Variants in PCSK2 observed in about 807,000 individuals in gnomAD.
The protein encoded by PCSK2 is neuroendocrine convertase 2.
Under a neutral mutation model 69.7 loss-of-function variants are expected in PCSK2, and 14 were observed. That is an observed-to-expected ratio of 0.20 (90% CI 0.13 to 0.31). The LOEUF is 0.31. Ranked by LOEUF, PCSK2 falls within the 10% of genes least tolerant of loss-of-function variation. The pLI is 1.00. For missense variants in PCSK2, 544 were observed against 842.5 expected, an observed-to-expected ratio of 0.65 and a Z score of 4.39; for synonymous variants, 307 against 320.7, an observed-to-expected ratio of 0.96 and a Z score of 0.46.
At chr20:17,374,526 C>A (rs1019301982) in intron 5 of PCSK2, among the ~76,000 whole-genome samples, 3 of 152,092 alleles carry the variant, frequency 2.0e-5, no homozygotes, top group African/African-American at 7.2e-5. Flanking sequence ...CCAAGGAGAG[C>A]CTTCTTGCTG....
chr20:17,463,175 C>A (rs1373417665), intron 10 of PCSK2, among the ~76,000 whole-genome samples: 1 of 152,192 alleles, frequency 6.6e-6, no homozygotes, highest in East Asian at 1.9e-4. Flanking sequence ...GAGAATAAAT[C>A]TGCAGAGAAA....
In PCSK2 at chr20:17,272,877, G is replaced by A. The variant is rs75490278; in HGVS notation, c.282+12533G>A. ...TCTGGTTGATTTGTGTGTGTATATG[G>A]CTCTCTGAGAAATCAGTTTATTTGC... On this transcript the variant is annotated intron_variant, in intron 2 of 11. Transcript: ENST00000262545. 3.9e-5 allele frequency among the ~76,000 whole-genome samples: 6 copies of A among 152,148 alleles called. No homozygotes were observed. In the East Asian group the frequency reaches 1.2e-3, roughly 29 times the overall value.
At chr20:17,336,765 C>T (rs1040373018) in intron 2 of PCSK2, among the ~76,000 whole-genome samples, 6 of 152,166 alleles carry the variant, frequency 3.9e-5, no homozygotes, top group African/African-American at 1.4e-4. Flanking sequence ...TATTTCCAAC[C>T]AATCCATGGA....
chr20:17,283,601 G>T (rs1453893997), intron 2 of PCSK2, among the ~76,000 whole-genome samples: 1 of 152,146 alleles, frequency 6.6e-6, no homozygotes, highest in Non-Finnish European at 1.5e-5. Context: ...GATTTCTTAG[G>T]TCAGGCCTAA....
intron 1 of PCSK2, among the ~76,000 whole-genome samples, chr20:17,253,708 CT>C (rs1190856839): frequency 6.6e-6 from 1 of 152,098 alleles, no homozygotes; most frequent in Non-Finnish European, 1.5e-5. Context: ...GTTTTCATTT[CT>C]CTTATATGCA....
intron 2 of PCSK2, among the ~76,000 whole-genome samples, chr20:17,309,768 A>G (rs1261653753): frequency 6.6e-6 from 1 of 151,848 alleles, no homozygotes; most frequent in Non-Finnish European, 1.5e-5. Context: ...CAGTGAGCCA[A>G]TATCATGCCA....
intron 11 of PCSK2, among the ~76,000 whole-genome samples, chr20:17,470,864 G>A (rs1251523916): frequency 6.6e-6 from 1 of 152,034 alleles, no homozygotes; most frequent in East Asian, 1.9e-4. Flanking sequence ...GTGGGGGCTG[G>A]AATGTCCCTC....
At chr20:17,381,884 A>C (rs2031095283) in intron 5 of PCSK2, among the ~76,000 whole-genome samples, 1 of 152,100 alleles carries the variant, frequency 6.6e-6, no homozygotes, top group Admixed American at 6.5e-5. Context: ...GTGTGGTGAC[A>C]GATGGGCACT....
At chr20:17,405,243 A>G (rs1018086954) in intron 5 of PCSK2, among the ~76,000 whole-genome samples, 4 of 152,332 alleles carry the variant, frequency 2.6e-5, no homozygotes, top group African/African-American at 9.6e-5. Context: ...AGTCTGTTTG[A>G]CTTGAATGTC....
chr20:17,338,800 A>G (rs1049565792), intron 2 of PCSK2, among the ~76,000 whole-genome samples: 6 of 152,084 alleles, frequency 3.9e-5, no homozygotes, highest in Non-Finnish European at 8.8e-5. Context: ...AAACAAATAC[A>G]TGTCATTCCT....
At chr20:17,293,463 T>A (rs2123070471) in intron 2 of PCSK2, among the ~76,000 whole-genome samples, 1 of 152,352 alleles carries the variant, frequency 6.6e-6, no homozygotes, top group Non-Finnish European at 1.5e-5. Context: ...TCTAACAAAT[T>A]CCCATTATCA....
At chr20:17,393,043 T>A (rs564318936) in intron 5 of PCSK2, among the ~76,000 whole-genome samples, 1 of 152,312 alleles carries the variant, frequency 6.6e-6, no homozygotes, top group South Asian at 2.1e-4. Context: ...CAGAATGCTT[T>A]ACTCTGTAAA....
intron 1 of PCSK2, among the ~76,000 whole-genome samples, chr20:17,254,908 A>G (rs547501720): frequency 6.6e-6 from 1 of 152,242 alleles, no homozygotes; most frequent in South Asian, 2.1e-4. Flanking sequence ...TTTATTCCCC[A>G]GTATTTTACT....
intron 7 of PCSK2, among the ~76,000 whole-genome samples, chr20:17,435,768 G>A (rs1002561758): frequency 6.6e-6 from 1 of 152,210 alleles, no homozygotes; most frequent in African/African-American, 2.4e-5. Flanking sequence ...CCATCCAGAT[G>A]ACAAAGCCTG....
Position 17,409,232 on chromosome 20 carries a change from C to A in PCSK2, c.544-31C>A, listed in dbSNP as rs2859875. ...TCCCTTTACTGCGCCTCTGGCTGTA[C>A]GGACCTAATGAGATGCCTTGTGTTT... On this transcript the variant is annotated intron_variant, in intron 5 of 11. Transcript: ENST00000262545. 10 of 1,573,618 alleles carry A rather than the reference C, an allele frequency of 6.4e-6. No individual in the cohort carries two copies. The African/African-American group carries it at 1.2e-4, about 19-fold the overall frequency.
Position 17,437,028 on chromosome 20 carries a change from G to A in PCSK2, c.885+145G>A, listed in dbSNP as rs2032497660. 4 of 693,016 alleles carry A rather than the reference G, an allele frequency of 5.8e-6. No individual in the cohort carries two copies. The South Asian group carries it at 8.5e-5, about 15-fold the overall frequency. The allele number at this position is 693,016 out of a possible 1,614,324, so 42.9% of individuals were successfully genotyped here. On this transcript the variant is annotated intron_variant, in intron 8 of 11. Coordinates refer to ENST00000262545, the MANE Select transcript of PCSK2 (RefSeq NM_002594.5). ...TCAGACAGCACAGGGGCTTAGCCAT[G>A]CAGGAGGCTGACTGCAGGGAGGCCT... is the stretch of plus-strand genomic sequence containing the variant.
intron 5 of PCSK2, among the ~76,000 whole-genome samples, chr20:17,401,558 C>A (rs999905690): frequency 1.3e-5 from 2 of 152,160 alleles, no homozygotes; most frequent in Non-Finnish European, 2.9e-5. Flanking sequence ...AACATTCAGA[C>A]TATGGCACCA....
intron 1 of PCSK2, among the ~76,000 whole-genome samples, chr20:17,242,782 T>A (rs1986631217): frequency 6.6e-6 from 1 of 152,202 alleles, no homozygotes; most frequent in Non-Finnish European, 1.5e-5. Flanking sequence ...TAATTTAGGC[T>A]CCTCCACTGC....
At chr20:17,481,413 A>AAAAAAAG (rs113487407) in intron 11 of PCSK2, among the ~76,000 whole-genome samples, 171 bp from the exon 12 acceptor site, 4 of 115,820 alleles carry the variant, frequency 3.5e-5, no homozygotes, top group African/African-American at 3.9e-5. Context: ...AAAAAAAAAA[A>AAAAAAAG]AGAGATAAGT....
Sources: allele counts gnomAD v4.1 joint callset (sites outside exome capture counted in the v4.1 genomes callset), GRCh38; gene constraint gnomAD v4.1.1; transcripts MANE v1.5; gene names NCBI Gene and HGNC (gene_info 2026-07-23, HGNC 2026-07-21).